Variants in ARHGAP23 observed in about 807,000 individuals in gnomAD.
The protein encoded by ARHGAP23 is Rho GTPase activating protein 23.
A neutral mutation model predicts 136.3 loss-of-function variants in ARHGAP23; 34 were observed. That is an observed-to-expected ratio of 0.25 (90% CI 0.19 to 0.33). The LOEUF (loss-of-function observed/expected upper bound fraction) is 0.33, where lower values mean the gene tolerates loss of function less well. Among genes scored for constraint, ARHGAP23 ranks in the 10% least tolerant of loss-of-function variants. The pLI is 1.00. For missense variants in ARHGAP23, 1,808 were observed against 2,139.0 expected (o/e 0.85, Z 3.05); for synonymous variants, 832 against 920.5 (o/e 0.90, Z 1.74).
intron 1 of ARHGAP23, among the ~76,000 whole-genome samples, chr17:38,434,539 G>C (rs1017813748): frequency 6.6e-6 from 1 of 152,194 alleles, no homozygotes; most frequent in Non-Finnish European, 1.5e-5. Flanking sequence ...GATAGAAACA[G>C]ACCCGGCCTT....
In ARHGAP23 at chr17:38,491,689, A is replaced by T; in HGVS notation, c.3276+157A>T. The T allele has an allele frequency of 7.8e-6, 7 of 893,420 alleles. No individual in the cohort carries two copies. The South Asian group carries it at 1.3e-4, about 16-fold the overall frequency. The allele number at this position is 893,420 out of a possible 1,614,324, so 55.3% of individuals were successfully genotyped here. A position where few individuals can be genotyped will look rare whatever the true frequency, so the allele number is the denominator to read the frequency against. Reference sequence around the variant, plus strand: ...GGGTGGTATATACTCCTCCAAAGCCATGGGCTGCATTTCAAGGCAAGGCAG... The same window carrying T: ...GGGTGGTATATACTCCTCCAAAGCCTTGGGCTGCATTTCAAGGCAAGGCAG... On this transcript the variant is annotated intron_variant, in intron 20 of 23. Coordinates refer to ENST00000622683, the MANE Select transcript of ARHGAP23 (RefSeq NM_001199417.2).
chr17:38,498,013 C>G (rs542643511), intron 21 of ARHGAP23, among the ~76,000 whole-genome samples, 187 bp downstream of exon 21: 1 of 152,294 alleles, frequency 6.6e-6, no homozygotes, highest in South Asian at 2.1e-4. Flanking sequence ...AAGCACAAAG[C>G]TTGCCTTCAG....
rs2040746851 is a variant in ARHGAP23 at position 38,510,799 on chromosome 17, G to A, written c.4303G>A (p.Gly1435Ser). The A allele has an allele frequency of 1.8e-5, 27 of 1,502,928 alleles. No homozygotes were observed. The highest frequency in any genetic ancestry group is 2.3e-5 in the Non-Finnish European group (26 of 1,128,998). The allele number at this position is 1,502,928 out of a possible 1,614,324, so 93.1% of individuals were successfully genotyped here. A position where few individuals can be genotyped will look rare whatever the true frequency, so the allele number is the denominator to read the frequency against. ...LGGGGPPEPAGARAHSDNKDS... is the reference protein window; with the variant it reads ...LGGGGPPEPASARAHSDNKDS... Reference sequence around the variant, plus strand: ...CGGAGGGGGCCCCCCGGAGCCTGCGGGCGCGCGGGCGCACAGTGACAACAA... The same window carrying A: ...CGGAGGGGGCCCCCCGGAGCCTGCGAGCGCGCGGGCGCACAGTGACAACAA... The change falls in exon 24 of 24, where the codon GGC becomes AGC. Residue 1435 changes from glycine (G) to serine (S), a missense_variant. This residue lies in a region of ARHGAP23 where 506 missense variants were observed against 455.8 expected (regional missense o/e 1.11). Coordinates refer to ENST00000622683, the MANE Select transcript of ARHGAP23 (RefSeq NM_001199417.2). The surrounding 1 kb of genome is among the most constrained non-coding windows in gnomAD (Gnocchi z 4.6).
intron 1 of ARHGAP23, among the ~76,000 whole-genome samples, chr17:38,437,046 G>C (rs890264684): frequency 1.3e-5 from 2 of 152,122 alleles, no homozygotes; most frequent in Non-Finnish European, 2.9e-5. Flanking sequence ...CGTCATAAAG[G>C]GGGTGTATAA....
chr17:38,425,676 C>CA (rs1193056295), upstream of ARHGAP23, among the ~76,000 whole-genome samples: 1 of 151,930 alleles, frequency 6.6e-6, no homozygotes, highest in African/African-American at 2.4e-5. Context: ...CTCCAAACCC[C>CA]AAAAAAATAG....
At position 38,469,592 on chromosome 17, in the gene ARHGAP23, G is replaced by C; in HGVS notation, c.1873G>C (p.Asp625His). 6.5e-7 allele frequency: 1 copy of C among 1,548,782 alleles called. No individual in the cohort carries two copies. The highest frequency in any genetic ancestry group is 1.2e-5 in the South Asian group (1 of 83,958). Residue 625 changes from aspartate to histidine, a missense_variant, in exon 9 of 24, where the codon GAT becomes CAT. Coordinates refer to ENST00000622683, the MANE Select transcript of ARHGAP23 (RefSeq NM_001199417.2). ...AITTERSKSC[D>H]DGLNTFRDEG... is the part of the protein sequence containing the mutation. Reference sequence around the variant, plus strand: ...CACCACGGAGCGCTCCAAGTCCTGCGATGATGGACTCAACACCTTCCGCGA... The same window carrying C: ...CACCACGGAGCGCTCCAAGTCCTGCCATGATGGACTCAACACCTTCCGCGA...
intron 16 of ARHGAP23, among the ~76,000 whole-genome samples, chr17:38,485,145 AT>A: frequency 6.6e-6 from 1 of 152,132 alleles, no homozygotes; most frequent in Non-Finnish European, 1.5e-5. Context: ...CTCAGTGGAC[AT>A]TTTGGGAAGA....
chr17:38,425,253 C>T (rs936079660), upstream of ARHGAP23, among the ~76,000 whole-genome samples: 14 of 152,154 alleles, frequency 9.2e-5, no homozygotes, highest in African/African-American at 2.7e-4. Context: ...GCCACGATGC[C>T]GATGCCGGAG....
intron 1 of ARHGAP23, among the ~76,000 whole-genome samples, chr17:38,453,414 TATGC>T (rs1311614055): frequency 2.4e-5 from 3 of 127,418 alleles, no homozygotes; most frequent in African/African-American, 9.7e-5. Context: ...TGCGCGCGCG[TATGC>T]GTGCGTGTGT....
chr17:38,504,247 C>T (rs1175473684), intron 23 of ARHGAP23, among the ~76,000 whole-genome samples: 7 of 152,202 alleles, frequency 4.6e-5, no homozygotes, highest in Non-Finnish European at 1.0e-4. Flanking sequence ...GAGGCACAGA[C>T]GAGGCTGCCG....
rs757162463 is a variant in ARHGAP23 at position 38,467,173 on chromosome 17, C to T, written c.1490C>T (p.Thr497Met). The change falls in exon 7 of 24, where the codon ACG (threonine) becomes ATG (methionine). Residue 497 changes from threonine (T) to methionine (M), a missense_variant. Thr to Met is a moderately conservative substitution (Grantham distance 81, BLOSUM62 -1). This residue lies in a region of ARHGAP23 where 859 missense variants were observed against 936.4 expected (regional missense o/e 0.92). Coordinates refer to ENST00000622683, the MANE Select transcript of ARHGAP23 (RefSeq NM_001199417.2). ...DEVVLRQKPP[T>M]GRKVQLTPAR... ...GTGGTCCTGAGGCAGAAGCCCCCGA[C>T]GGGCCGCAAGGTTCAGCTGACCCCC... is the stretch of plus-strand genomic sequence containing the variant. 53 of 1,549,828 alleles carry T rather than the reference C, an allele frequency of 3.4e-5. 2 individuals carry two copies. The East Asian group carries it at 6.8e-4, about 20-fold the overall frequency.
At chr17:38,462,794 T>C (rs2144627210) in intron 3 of ARHGAP23, 52 bp from the exon 4 acceptor site, 2 of 1,308,302 alleles carry the variant, frequency 1.5e-6, no homozygotes, top group Middle Eastern at 1.9e-4. Flanking sequence ...TAGCTGTGCA[T>C]GGGTGTGACC....
At chr17:38,431,473 C>G (rs559338937) in intron 1 of ARHGAP23, among the ~76,000 whole-genome samples, 2 of 152,280 alleles carry the variant, frequency 1.3e-5, no homozygotes, top group African/African-American at 4.8e-5. Context: ...CCTGTGGGAG[C>G]TGGTGCTGCC....
intron 20 of ARHGAP23, among the ~76,000 whole-genome samples, chr17:38,497,039 G>A (rs114732780): frequency 8.6e-5 from 13 of 151,936 alleles, no homozygotes; most frequent in South Asian, 2.1e-4. Flanking sequence ...CCTTCAACAC[G>A]TCAAAACTTA....
chr17:38,432,452 G>A (rs2038705818), intron 1 of ARHGAP23, among the ~76,000 whole-genome samples: 1 of 152,162 alleles, frequency 6.6e-6, no homozygotes, highest in South Asian at 2.1e-4. Context: ...GGCCAAGGCG[G>A]GTGGATCACC....
chr17:38,454,185 G>C (rs1249284117), intron 1 of ARHGAP23: 1 of 152,922 alleles, frequency 6.5e-6, no homozygotes, highest in African/African-American at 2.4e-5. Context: ...AGGCCTTGTC[G>C]GGGTCTGAGT....
At position 38,512,229 on chromosome 17, in the gene ARHGAP23, G is replaced by T. The variant is rs978471086; in HGVS notation, c.*1257G>T. On this transcript the variant is annotated 3_prime_UTR_variant, in exon 24 of 24. Coordinates refer to ENST00000622683, the MANE Select transcript of ARHGAP23 (RefSeq NM_001199417.2). ...TGTTTTGCTCATTTACAAAAGTGTTGTAACAGTGTTGGACAAAGCCTTCCA... is the reference window on the plus strand; with the variant it reads ...TGTTTTGCTCATTTACAAAAGTGTTTTAACAGTGTTGGACAAAGCCTTCCA... 1.3e-5 allele frequency: 2 copies of T among 152,158 alleles called. No homozygotes were observed. Among genetic ancestry groups the T allele is most frequent in the African/African-American group, 4.8e-5 (2 of 41,416 alleles). The allele number at this position is 152,158 out of a possible 1,614,324, so 9.4% of individuals were successfully genotyped here.
intron 19 of ARHGAP23, among the ~76,000 whole-genome samples, chr17:38,491,118 A>G (rs1192300354): frequency 2.0e-5 from 3 of 152,084 alleles, no homozygotes; most frequent in East Asian, 3.9e-4. Flanking sequence ...GGGACCTCCA[A>G]CATGTTTCCT....
intron 23 of ARHGAP23, among the ~76,000 whole-genome samples, chr17:38,504,234 A>C (rs1182072298): frequency 6.6e-6 from 1 of 152,206 alleles, no homozygotes; most frequent in Non-Finnish European, 1.5e-5. Flanking sequence ...CCTCTAAGAA[A>C]CGGAGGCACA....
Sources: allele counts gnomAD v4.1 joint callset (sites outside exome capture counted in the v4.1 genomes callset), GRCh38; gene constraint gnomAD v4.1.1; regional missense constraint gnomAD v4.1.1; non-coding constraint Gnocchi (gnomAD v3.1); transcripts MANE v1.5; gene names NCBI Gene and HGNC (gene_info 2026-07-23, HGNC 2026-07-21).